ARHGEF10L: variants seen among roughly 807,000 people sequenced by gnomAD.
ARHGEF10L encodes Rho guanine nucleotide exchange factor 10 like.
Under a neutral mutation model 141.2 loss-of-function variants are expected in ARHGEF10L, and 69 were observed. The ratio of observed to expected loss-of-function variants is 0.49; its 90% confidence interval spans 0.40 to 0.60. ARHGEF10L has a LOEUF of 0.60. Among genes scored for constraint, ARHGEF10L ranks in the 20% least tolerant of loss-of-function variants. The pLI is 0.00. For missense variants in ARHGEF10L, 1,482 were observed against 1,734.3 expected, an observed-to-expected ratio of 0.85 and a Z score of 2.58; for synonymous variants, 711 against 718.5, an observed-to-expected ratio of 0.99 and a Z score of 0.17.
At chr1:17,696,310 G>A (rs751015728) in intron 28 of ARHGEF10L, among the ~76,000 whole-genome samples, 1 of 152,156 alleles carries the variant, frequency 6.6e-6, no homozygotes, top group South Asian at 2.1e-4. Context: ...CATTTGTGGA[G>A]GGTCTATTTC....
rs779955786 is a variant in ARHGEF10L, at chr1:17,632,414, C to T, written c.1678C>T (p.Arg560Cys). 4.0e-5 allele frequency: 65 copies of T among 1,614,064 alleles called. No homozygotes were observed. The highest frequency in any genetic ancestry group is 5.3e-5 in the Non-Finnish European group (63 of 1,180,048). Residue 560 changes from arginine to cysteine, a missense_variant, in exon 16 of 29, where the codon CGT becomes TGT. By Grantham distance (180) the Arg-to-Cys change is radical. Around this residue, in one of 3 missense-constraint regions of ARHGEF10L, gnomAD observed 392 missense variants for 542.1 expected, o/e 0.72. Transcript: ENST00000361221. ...CGGGCAGCTAATTAAGTCCAAGGAG[C>T]GTCGGGTCTTCCTGCTCAACGACAT... ...DRGQLIKSKE[R>C]RVFLLNDMLV...
chr1:17,603,379 C>A lies in ARHGEF10L; in HGVS notation c.350-129C>A. 1 of 633,748 alleles carries A rather than the reference C, an allele frequency of 1.6e-6. No individual in the cohort carries two copies. The highest frequency in any genetic ancestry group is 2.6e-6 in the Non-Finnish European group (1 of 382,920). The allele number at this position is 633,748 out of a possible 1,614,324, so 39.3% of individuals were successfully genotyped here. A position where few individuals can be genotyped will look rare whatever the true frequency, so the allele number is the denominator to read the frequency against. ...TGAGGGCAGCTGGCGGAGCTAAGGG[C>A]TGGGCTGGGCTATCAGAAAGGAGGG... On this transcript the variant is annotated intron_variant, in intron 5 of 28. Transcript: ENST00000361221. The surrounding 1 kb of genome is among the most constrained non-coding windows in gnomAD (Gnocchi z 4.8).
intron 14 of ARHGEF10L, among the ~76,000 whole-genome samples, chr1:17,626,375 C>T (rs1372273975): frequency 6.6e-6 from 1 of 152,052 alleles, no homozygotes; most frequent in East Asian, 1.9e-4. Flanking sequence ...ACATGCTGAG[C>T]TTGGCCATTT....
At chr1:17,653,683 A>C (rs74061909) in intron 22 of ARHGEF10L, among the ~76,000 whole-genome samples, 2,906 of 152,354 alleles carry the variant, frequency 0.019, 95 homozygotes, top group African/African-American at 0.066. Context: ...TCTGGTGTGC[A>C]GCCAGGCTTC....
intron 1 of ARHGEF10L, among the ~76,000 whole-genome samples, chr1:17,572,446 C>T (rs969536518): frequency 2.0e-5 from 3 of 152,252 alleles, no homozygotes; most frequent in Admixed American, 6.5e-5. Context: ...AGGGCTGGGC[C>T]AAGTTTATTA....
intron 4 of ARHGEF10L, among the ~76,000 whole-genome samples, chr1:17,596,322 G>A (rs766474100): frequency 6.6e-6 from 1 of 152,212 alleles, no homozygotes; most frequent in African/African-American, 2.4e-5. Context: ...CCTTTCCTTC[G>A]TGTCTCTTGA....
In ARHGEF10L at chr1:17,696,988, G is replaced by A. The variant is rs770619112; in HGVS notation, c.3448G>A (p.Gly1150Arg). 21 of 1,611,436 alleles carry A rather than the reference G, an allele frequency of 1.3e-5. No homozygotes were observed. Among genetic ancestry groups the A allele is most frequent in the Middle Eastern group, 1.6e-4 (1 of 6,062 alleles). The change falls in exon 29 of 29, where the codon GGG (glycine) becomes AGG (arginine). Residue 1150 changes from glycine (G) to arginine (R), a missense_variant. Transcript: ENST00000361221. ...CCGGGCTGAGGAGGACAAGCCAGACGGGCAGGCACACGAGCCCATGCCCGA... is the reference window on the plus strand; with the variant it reads ...CCGGGCTGAGGAGGACAAGCCAGACAGGCAGGCACACGAGCCCATGCCCGA... ...GPRAEEDKPD[G>R]QAHEPMPDSH...
chr1:17,661,612 G>GC (rs2062627486), intron 25 of ARHGEF10L, among the ~76,000 whole-genome samples: 1 of 152,178 alleles, frequency 6.6e-6, no homozygotes, highest in Admixed American at 6.5e-5. Context: ...GTTGGATAGA[G>GC]CCCCACTTTC....
rs184143531 is a variant in ARHGEF10L at position 17,666,886 on chromosome 1, C to T, written c.3009+2291C>T. 2.2e-3 allele frequency among the ~76,000 whole-genome samples: 310 copies of T among 143,016 alleles called. 2 individuals carry two copies. The highest frequency in any genetic ancestry group is 7.5e-3 in the African/African-American group (295 of 39,588). 93.8% of individuals were successfully genotyped at this position (143,016 alleles called of 152,430 possible). A position where few individuals can be genotyped will look rare whatever the true frequency, so the allele number is the denominator to read the frequency against. ...GCCCACCCCACCCCATCTCTTTCCT[C>T]CAAGGGCCTTGCACTTCCTTGGCCT... On this transcript the variant is annotated intron_variant, in intron 26 of 28. Coordinates refer to ENST00000361221, the MANE Select transcript of ARHGEF10L (RefSeq NM_018125.4).
intron 14 of ARHGEF10L, 71 bp downstream of exon 14, chr1:17,626,119 A>T: frequency 7.4e-7 from 1 of 1,345,108 alleles, no homozygotes; most frequent in Non-Finnish European, 1.1e-6. Context: ...CTCCTGGGGT[A>T]GGAGGGAGGA....
In ARHGEF10L at chr1:17,631,868, G is replaced by T. The variant is rs557137260; in HGVS notation, c.1585-453G>T. ...ACCTTGTGTGATCTGAGCAGTAGAG[G>T]TATCTGCCCCCACTTGGTAGCTGAG... On this transcript the variant is annotated intron_variant, in intron 15 of 28. Coordinates refer to ENST00000361221, the MANE Select transcript of ARHGEF10L (RefSeq NM_018125.4). Among the ~76,000 whole-genome samples the T allele has an allele frequency of 2.1e-4, 32 of 152,348 alleles. No homozygotes were observed. The East Asian group carries it at 4.6e-3, about 22-fold the overall frequency.
At chr1:17,538,436 G>A (rs907077051), upstream of ARHGEF10L, among the ~76,000 whole-genome samples, 2 of 152,200 alleles carry the variant, frequency 1.3e-5, no homozygotes, top group African/African-American at 2.4e-5. Flanking sequence ...AGCCAGTGTT[G>A]CCCTAGCCTG....
chr1:17,633,410 C>T (rs1448420514), intron 16 of ARHGEF10L, among the ~76,000 whole-genome samples: 2 of 152,226 alleles, frequency 1.3e-5, no homozygotes, highest in African/African-American at 4.8e-5. Context: ...ATGGCATGAT[C>T]TCGGTTCACT....
At chr1:17,636,139 G>A (rs2060987425) in intron 18 of ARHGEF10L, among the ~76,000 whole-genome samples, 1 of 152,116 alleles carries the variant, frequency 6.6e-6, no homozygotes, top group Non-Finnish European at 1.5e-5. Flanking sequence ...TGGGGCACAG[G>A]GTTCCTTTCT....
intron 4 of ARHGEF10L, among the ~76,000 whole-genome samples, chr1:17,601,061 A>C (rs978654909): frequency 4.7e-5 from 7 of 148,014 alleles, no homozygotes; most frequent in Non-Finnish European, 7.4e-5. Context: ...AAAAAAAAAA[A>C]AAAAAAACAA....
chr1:17,593,380 G>A lies in ARHGEF10L; in HGVS notation c.257+4901G>A, dbSNP rs78753715. 8.2e-3 allele frequency among the ~76,000 whole-genome samples: 1,249 copies of A among 152,288 alleles called. 12 individuals are homozygous for A. The highest frequency in any genetic ancestry group is 0.013 in the Non-Finnish European group (900 of 68,028). ...TCATCCCCAGCACCTGTGAATCTGT[G>A]ACGCTGCGTGGCAAAGGGACTTGGC... On this transcript the variant is annotated intron_variant, in intron 4 of 28. Coordinates refer to ENST00000361221, the MANE Select transcript of ARHGEF10L (RefSeq NM_018125.4).
chr1:17,515,429 G>A, the ARHGEF10L span, among the ~76,000 whole-genome samples: 1 of 151,892 alleles, frequency 6.6e-6, no homozygotes, highest in East Asian at 1.9e-4. Flanking sequence ...GAGTAGCTGG[G>A]ATTATAGGCG....
chr1:17,686,166 T>G (rs1184515037), intron 26 of ARHGEF10L, among the ~76,000 whole-genome samples: 1 of 151,832 alleles, frequency 6.6e-6, no homozygotes, highest in Non-Finnish European at 1.5e-5. Context: ...GCAGTGTCTG[T>G]AAGTGTGAGT....
the ARHGEF10L span, among the ~76,000 whole-genome samples, chr1:17,529,731 T>C: frequency 6.7e-6 from 1 of 150,290 alleles, no homozygotes; most frequent in Non-Finnish European, 1.5e-5. Context: ...CAGCTATAGG[T>C]GGAGCTCTAA....
Sources: allele counts gnomAD v4.1 joint callset (sites outside exome capture counted in the v4.1 genomes callset), GRCh38; gene constraint gnomAD v4.1.1; regional missense constraint gnomAD v4.1.1; non-coding constraint Gnocchi (gnomAD v3.1); transcripts MANE v1.5; gene names NCBI Gene and HGNC (gene_info 2026-07-23, HGNC 2026-07-21).